The following ZNF585B variants were observed in gnomAD, a reference collection of about 807,000 sequenced individuals.
The protein encoded by ZNF585B is zinc finger protein 41-like protein.
ZNF585B carries 7 observed loss-of-function variants against 14.0 expected under a neutral mutation model. The ratio of observed to expected loss-of-function variants is 0.50; its 90% confidence interval spans 0.28 to 0.94. The LOEUF (loss-of-function observed/expected upper bound fraction) is 0.94. ZNF585B is among the 40% of genes least tolerant of loss of function. ZNF585B has a pLI of 0.09. For synonymous variants in ZNF585B, 290 were observed against 317.3 expected (o/e 0.91, Z 0.91); for missense variants, 750 against 924.4 (o/e 0.81, Z 2.45).
Position 37,185,718 on chromosome 19 carries a change from C to T in ZNF585B, c.1819G>A (p.Glu607Lys). ...QRIHTGEKPY[E>K]CSDCGKSFTS... ...AAGGACTTCCCACAGTCACTGCATT[C>T]ATAAGGCTTCTCTCCAGTATGAATT... is the stretch of plus-strand genomic sequence containing the variant. Residue 607 changes from glutamate (E) to lysine (K), a missense_variant, in exon 5 of 5, where the codon GAA (glutamate) becomes AAA (lysine). Around this residue, in one of 2 missense-constraint regions of ZNF585B, gnomAD observed 233 missense variants for 354.1 expected, o/e 0.66. Coordinates refer to ENST00000532828, the MANE Select transcript of ZNF585B (RefSeq NM_152279.4). 1 of 1,601,456 alleles carries T rather than the reference C, an allele frequency of 6.2e-7. No homozygotes were observed. Among genetic ancestry groups the T allele is most frequent in the Non-Finnish European group, 8.5e-7 (1 of 1,173,382 alleles).
intron 2 of ZNF585B, among the ~76,000 whole-genome samples, chr19:37,203,112 C>A (rs1972549406): frequency 6.6e-6 from 1 of 152,052 alleles, no homozygotes; most frequent in Non-Finnish European, 1.5e-5. Flanking sequence ...TTTTATCAAC[C>A]ATTTTTTGTT....
At chr19:37,195,236 C>T (rs909328295) in intron 2 of ZNF585B, among the ~76,000 whole-genome samples, 1 of 148,238 alleles carries the variant, frequency 6.7e-6, no homozygotes, top group African/African-American at 2.5e-5. Flanking sequence ...GTCCCAACTA[C>T]TTGGGAGGCT....
At chr19:37,209,028 T>C (rs886521600) in intron 1 of ZNF585B, among the ~76,000 whole-genome samples, 1 of 152,018 alleles carries the variant, frequency 6.6e-6, no homozygotes, top group South Asian at 2.1e-4. Context: ...TTGGAAAGCA[T>C]TTAGGCAAAT....
chr19:37,182,546 G>A lies in ZNF585B; in HGVS notation c.*2681C>T, dbSNP rs540558811. On this transcript the variant is annotated 3_prime_UTR_variant, in exon 5 of 5. Transcript: ENST00000532828. ...TGAGCAGACATTGGTCTAAGATGTT[G>A]AGCAGCATGTGATGGGCCATCAGAT... The A allele has an allele frequency of 2.6e-5, 4 of 152,388 alleles. No homozygotes were observed. The highest frequency in any genetic ancestry group is 9.6e-5 in the African/African-American group (4 of 41,568). 9.4% of individuals were successfully genotyped at this position (152,388 alleles called of 1,614,324 possible).
chr19:37,207,635 T>G (rs1466149944), intron 1 of ZNF585B, among the ~76,000 whole-genome samples: 1 of 152,204 alleles, frequency 6.6e-6, no homozygotes, highest in African/African-American at 2.4e-5. Context: ...ATAAAGAAGT[T>G]ACTCAGATTT....
chr19:37,190,272 G>A (rs1023295090), intron 2 of ZNF585B, 122 bp from the exon 3 acceptor site: 21 of 1,399,048 alleles, frequency 1.5e-5, no homozygotes, highest in African/African-American at 2.9e-5. Flanking sequence ...TTTTGAGACA[G>A]TCTTGCTCTG....
At position 37,182,830 on chromosome 19, in the gene ZNF585B, C is replaced by T. The variant is rs144097649; in HGVS notation, c.*2397G>A. On this transcript the variant is annotated 3_prime_UTR_variant, in exon 5 of 5. Transcript: ENST00000532828. ...GAACTGCCAATAGACTGGCCCCAGA[C>T]GCCACCCAGCAACTGTGCATCTAAT... 533 of 152,466 alleles carry T rather than the reference C, an allele frequency of 3.5e-3. 4 individuals are homozygous for T. Among genetic ancestry groups the T allele is most frequent in the African/African-American group, 0.012 (505 of 41,560 alleles). 9.4% of individuals were successfully genotyped at this position (152,466 alleles called of 1,614,324 possible). A position where few individuals can be genotyped will look rare whatever the true frequency, so the allele number is the denominator to read the frequency against.
chr19:37,208,183 GGATGATCTT>G (rs1264649741), intron 1 of ZNF585B, among the ~76,000 whole-genome samples: 56 of 152,164 alleles, frequency 3.7e-4, no homozygotes, highest in African/African-American at 1.3e-3. Context: ...ATGTTGGCTG[GGATGATCTT>G]GATCTCCTGA....
Position 37,186,138 on chromosome 19 carries a change from C to T in ZNF585B, c.1399G>A (p.Val467Ile), listed in dbSNP as rs1657509. ...KRIHTGEKPY[V>I]CNKCGKAFTN... is the part of the protein sequence containing the mutation. ...AATGCCTTCCCACATTTATTGCATA[C>T]ATAGGGCTTTTCTCCTGTGTGAATT... The change falls in exon 5 of 5, where the codon GTA (valine) becomes ATA (isoleucine). Residue 467 changes from valine (V) to isoleucine (I), a missense_variant. Physicochemically the swap from Val to Ile is conservative, Grantham distance 29 (BLOSUM62 3). Transcript: ENST00000532828. 3.2e-5 allele frequency: 52 copies of T among 1,614,002 alleles called. No individual in the cohort carries two copies. The highest frequency in any genetic ancestry group is 1.8e-4 in the Admixed American group (11 of 60,004).
Position 37,207,147 on chromosome 19 carries a change from G to T in ZNF585B, c.-36C>A. ...GATCTCAACCCTTTTTGTCTAGGGTGCCTGAAGTTTAGTGGTCATCTGTGA... is the reference window on the plus strand; with the variant it reads ...GATCTCAACCCTTTTTGTCTAGGGTTCCTGAAGTTTAGTGGTCATCTGTGA... On this transcript the variant is annotated 5_prime_UTR_variant, in exon 2 of 5. Transcript: ENST00000532828. The T allele has an allele frequency of 6.2e-7, 1 of 1,613,312 alleles. No homozygotes were observed. The highest frequency in any genetic ancestry group is 8.5e-7 in the Non-Finnish European group (1 of 1,179,914).
rs1972271489 is a variant in ZNF585B, at chr19:37,182,007, A to G, written c.*3220T>C. ...CCATGGACTTTGGCCGATAGTGTCA[A>G]TGTAGTTTCATCAATTGTAACAAAT... On this transcript the variant is annotated 3_prime_UTR_variant, in exon 5 of 5. Coordinates refer to ENST00000532828, the MANE Select transcript of ZNF585B (RefSeq NM_152279.4). 6.6e-6 allele frequency: 1 copy of G among 152,114 alleles called. No homozygotes were observed. The highest frequency in any genetic ancestry group is 1.5e-5 in the Non-Finnish European group (1 of 68,018). The allele number at this position is 152,114 out of a possible 1,614,324, so 9.4% of individuals were successfully genotyped here. A position where few individuals can be genotyped will look rare whatever the true frequency, so the allele number is the denominator to read the frequency against.
chr19:37,186,385 G>T lies in ZNF585B; in HGVS notation c.1152C>A (p.Cys384Ter). ...RIHTGEKPYE[C>*]SDCGRAFTQK... ...GAGTGAAGGCTCTCCCACAGTCACTGCATTCATAAGGTTTCTCTCCAGTGT... is the reference window on the plus strand; with the variant it reads ...GAGTGAAGGCTCTCCCACAGTCACTTCATTCATAAGGTTTCTCTCCAGTGT... The change falls in exon 5 of 5, where the codon TGC becomes TGA. Residue 384 changes from cysteine to a stop codon, truncating the protein, a stop_gained. Transcript: ENST00000532828. LOFTEE classifies it low-confidence loss of function (END_TRUNC). 6.2e-7 allele frequency: 1 copy of T among 1,614,128 alleles called. No homozygotes were observed. Among genetic ancestry groups the T allele is most frequent in the Non-Finnish European group, 8.5e-7 (1 of 1,180,022 alleles).
In ZNF585B at chr19:37,184,484, GAA is replaced by G. The variant is rs1478165372; in HGVS notation, c.*741_*742del. 13 of 118,494 alleles carry G rather than the reference GAA, an allele frequency of 1.1e-4. No homozygotes were observed. The highest frequency in any genetic ancestry group is 4.2e-4 in the African/African-American group (12 of 28,710). 7.3% of individuals were successfully genotyped at this position (118,494 alleles called of 1,614,324 possible). A position where few individuals can be genotyped will look rare whatever the true frequency, so the allele number is the denominator to read the frequency against. ...AGAAAGAAAGAAAGAAAGAAAGAAA[GAA>G]AGAAAGAAAGAAAGAAAGAGAAAGA... On this transcript the variant is annotated 3_prime_UTR_variant, in exon 5 of 5. Coordinates refer to ENST00000532828, the MANE Select transcript of ZNF585B (RefSeq NM_152279.4).
At chr19:37,198,782 AG>A (rs1972499581) in intron 2 of ZNF585B, among the ~76,000 whole-genome samples, 1 of 137,700 alleles carries the variant, frequency 7.3e-6, no homozygotes, top group African/African-American at 2.9e-5. Flanking sequence ...TTATTAATAT[AG>A]TCACAATATT....
rs1972270694 is a variant in ZNF585B, at chr19:37,181,941, TCAA to T, written c.*3283_*3285del. Reference sequence around the variant, plus strand: ...GCATACATGTCATTATTCATTTGTCTCAACCCACAGAATGCACATCAAGACTGA... The same window carrying T: ...GCATACATGTCATTATTCATTTGTCTCCCACAGAATGCACATCAAGACTGA... On this transcript the variant is annotated 3_prime_UTR_variant, in exon 5 of 5. Coordinates refer to ENST00000532828, the MANE Select transcript of ZNF585B (RefSeq NM_152279.4). 1 of 152,148 alleles carries T rather than the reference TCAA, an allele frequency of 6.6e-6. No homozygotes were observed. Among genetic ancestry groups the T allele is most frequent in the African/African-American group, 2.4e-5 (1 of 41,422 alleles). The allele number at this position is 152,148 out of a possible 1,614,324, so 9.4% of individuals were successfully genotyped here. A position where few individuals can be genotyped will look rare whatever the true frequency, so the allele number is the denominator to read the frequency against.
At chr19:37,200,128 CAGAT>C (rs34099502) in intron 2 of ZNF585B, among the ~76,000 whole-genome samples, 25,011 of 151,308 alleles carry the variant, frequency 0.17, 2,344 homozygotes, top group African/African-American at 0.26. Flanking sequence ...AGTGGAAAAA[CAGAT>C]AGGCTAAGAA....
At chr19:37,188,462 G>A (rs1009773863) in intron 4 of ZNF585B, among the ~76,000 whole-genome samples, 1 of 152,020 alleles carries the variant, frequency 6.6e-6, no homozygotes, top group Middle Eastern at 3.2e-3. Flanking sequence ...CTCCAGCCTG[G>A]GCAACAAGAG....
chr19:37,185,892 G>T lies in ZNF585B; in HGVS notation c.1645C>A (p.Gln549Lys). ...TTCCCACATTCGTGGCATTCATACT[G>T]TCTCTCTCCAGTGTGAATTTTCTGA... The part of the protein sequence containing the change: ...IHQKIHTGER[Q>K]YECHECGKAF... The change falls in exon 5 of 5, where the codon CAG becomes AAG. Residue 549 changes from glutamine (Q) to lysine (K), a missense_variant. By Grantham distance (53) the Gln-to-Lys change is moderately conservative (BLOSUM62 1). Around this residue, in one of 2 missense-constraint regions of ZNF585B, gnomAD observed 233 missense variants for 354.1 expected, o/e 0.66. Transcript: ENST00000532828. The T allele has an allele frequency of 1.2e-6, 2 of 1,613,960 alleles. No individual in the cohort carries two copies. Among genetic ancestry groups the T allele is most frequent in the Non-Finnish European group, 1.7e-6 (2 of 1,180,002 alleles).
intron 2 of ZNF585B, among the ~76,000 whole-genome samples, chr19:37,191,127 C>A (rs1053817229): frequency 6.6e-6 from 1 of 152,098 alleles, no homozygotes; most frequent in Admixed American, 6.6e-5. Context: ...TAGGGTGTAA[C>A]ATTTGTTAAC....
Sources: allele counts gnomAD v4.1 joint callset (sites outside exome capture counted in the v4.1 genomes callset), GRCh38; gene constraint gnomAD v4.1.1; regional missense constraint gnomAD v4.1.1; transcripts MANE v1.5; gene names NCBI Gene and HGNC (gene_info 2026-07-23, HGNC 2026-07-21).